The following SRFBP1 variants were observed in gnomAD, a reference collection of about 807,000 sequenced individuals.
SRFBP1 encodes the protein serum response factor binding protein 1.
In SRFBP1, 47 loss-of-function variants were observed where a neutral mutation model predicts 45.5. The ratio of observed to expected loss-of-function variants is 1.03; its 90% CI spans 0.82 to 1.32. The LOEUF is 1.32. SRFBP1 is among the 40% of genes most tolerant of loss of function. The probability of loss-of-function intolerance (pLI) is 0.00; values close to 1 mark genes in which losing one functional copy is unlikely to be tolerated. For synonymous variants in SRFBP1, 203 were observed against 166.3 expected (o/e 1.22, Z -1.70); for missense variants, 621 against 484.6 (o/e 1.28, Z -2.64).
chr5:122,055,477 G>T (rs1382529101), intron 2 of SRFBP1, among the ~76,000 whole-genome samples: 1 of 152,194 alleles, frequency 6.6e-6, no homozygotes, highest in Non-Finnish European at 1.5e-5. Flanking sequence ...ATTTGTAAAT[G>T]TAGTTGTAAA....
intron 2 of SRFBP1, among the ~76,000 whole-genome samples, chr5:122,037,496 C>A (rs1753711834): frequency 6.6e-6 from 1 of 151,984 alleles, no homozygotes. Flanking sequence ...AAATGTAGCT[C>A]TTCTCTTTTT....
intron 4 of SRFBP1, among the ~76,000 whole-genome samples, chr5:122,005,946 T>TTTA (rs1752964624): frequency 6.6e-6 from 1 of 152,200 alleles, no homozygotes. Flanking sequence ...CACACCCCCA[T>TTTA]TTAGAGTATT....
At position 122,019,332 on chromosome 5, in the gene SRFBP1, G is replaced by A. The variant is rs369549761; in HGVS notation, c.343G>A (p.Val115Met). ...VHPLLKKKID[V>M]LKAAVQAFKE... ...TCCTCTTCTGAAGAAAAAGATAGATGTGCTAAAAGGTATGAATTAAATGAC... is the reference window on the plus strand; with the variant it reads ...TCCTCTTCTGAAGAAAAAGATAGATATGCTAAAAGGTATGAATTAAATGAC... Residue 115 changes from valine to methionine, a missense_variant, in exon 5 of 8, where the codon GTG (valine) becomes ATG (methionine). Val to Met is a conservative substitution (Grantham distance 21). Transcript: ENST00000339397. 2.5e-5 allele frequency: 41 copies of A among 1,611,112 alleles called. No individual in the cohort carries two copies. In the African/African-American group the frequency reaches 4.5e-4, roughly 18 times the overall value.
intron 2 of SRFBP1, among the ~76,000 whole-genome samples, chr5:122,039,172 A>G (rs1391375883): frequency 1.3e-5 from 2 of 152,192 alleles, no homozygotes; most frequent in African/African-American, 4.8e-5. Flanking sequence ...TGGGAATGGC[A>G]GCTTCTATTA....
At chr5:122,053,177 G>A (rs1227254823) in intron 2 of SRFBP1, among the ~76,000 whole-genome samples, 6 of 152,054 alleles carry the variant, frequency 3.9e-5, no homozygotes, top group Admixed American at 1.3e-4. Context: ...ACAGGGTTGC[G>A]CCTGGTCACA....
chr5:122,057,730 A>G (rs1434624418), intron 2 of SRFBP1, among the ~76,000 whole-genome samples: 1 of 152,128 alleles, frequency 6.6e-6, no homozygotes, highest in Non-Finnish European at 1.5e-5. Context: ...CTGATGGAGA[A>G]TTTTATAGTA....
chr5:122,047,440 G>A (rs1470446832), intron 2 of SRFBP1, among the ~76,000 whole-genome samples: 2 of 152,152 alleles, frequency 1.3e-5, no homozygotes, highest in Admixed American at 6.5e-5. Flanking sequence ...TGCTGTTTTG[G>A]TTGCTGTAGC....
At chr5:122,052,031 T>C (rs1166911549) in intron 2 of SRFBP1, among the ~76,000 whole-genome samples, 2 of 152,212 alleles carry the variant, frequency 1.3e-5, no homozygotes, top group Admixed American at 1.3e-4. Flanking sequence ...ACATATGAAA[T>C]TTTTGGTTGG....
At chr5:121,996,016 A>C (rs1372954468) in intron 4 of SRFBP1, among the ~76,000 whole-genome samples, 1 of 152,024 alleles carries the variant, frequency 6.6e-6, no homozygotes, top group Non-Finnish European at 1.5e-5. Context: ...TTGTGGCAAT[A>C]ATCAATAGCT....
chr5:122,077,503 G>A, downstream of SRFBP1: 2 of 1,613,800 alleles, frequency 1.2e-6, no homozygotes, highest in Non-Finnish European at 1.7e-6. The surrounding 1 kb of genome is among the most constrained non-coding windows in gnomAD (Gnocchi z 4.9). Context: ...CGTCCACGCG[G>A]CTGGGCGGCC....
At chr5:122,039,822 T>C (rs927427387) in intron 2 of SRFBP1, among the ~76,000 whole-genome samples, 4 of 151,978 alleles carry the variant, frequency 2.6e-5, no homozygotes, top group African/African-American at 7.3e-5. Flanking sequence ...ATATATGATA[T>C]ATGGTTGGGA....
At chr5:121,981,023 C>G (rs1752397622) in intron 3 of SRFBP1, among the ~76,000 whole-genome samples, 1 of 152,076 alleles carries the variant, frequency 6.6e-6, no homozygotes, top group African/African-American at 2.4e-5. Flanking sequence ...GTATAGCTTT[C>G]CATCTTCTTT....
At chr5:122,015,105 A>G (rs1753169655) in intron 4 of SRFBP1, among the ~76,000 whole-genome samples, 1 of 152,162 alleles carries the variant, frequency 6.6e-6, no homozygotes, top group South Asian at 2.1e-4. Context: ...TGCTCCTGGA[A>G]TATCTTCTTT....
chr5:122,054,840 T>A (rs568726148), intron 2 of SRFBP1, among the ~76,000 whole-genome samples: 10 of 152,324 alleles, frequency 6.6e-5, no homozygotes, highest in African/African-American at 2.4e-4. Flanking sequence ...TATGAAGAAA[T>A]AGAACACACC....
intron 2 of SRFBP1, among the ~76,000 whole-genome samples, chr5:122,053,179 C>T (rs993539796): frequency 3.9e-5 from 6 of 152,148 alleles, no homozygotes; most frequent in African/African-American, 1.4e-4. Context: ...AGGGTTGCGC[C>T]TGGTCACAGA....
At chr5:122,048,110 C>T (rs563624842) in intron 2 of SRFBP1, among the ~76,000 whole-genome samples, 2 of 152,276 alleles carry the variant, frequency 1.3e-5, no homozygotes, top group South Asian at 4.1e-4. Flanking sequence ...GAGAGGGCAT[C>T]CCTGTCTTGT....
At chr5:122,077,232 C>A (rs867146486), downstream of SRFBP1, 5 of 1,505,362 alleles carry the variant, frequency 3.3e-6, no homozygotes, top group Middle Eastern at 2.4e-4. The surrounding 1 kb of genome is among the most constrained non-coding windows in gnomAD (Gnocchi z 4.9). Flanking sequence ...CCACTGCAGG[C>A]GCGTGGGGGA....
At chr5:121,962,342 T>C (rs1751966038) in intron 1 of SRFBP1, among the ~76,000 whole-genome samples, 1 of 152,208 alleles carries the variant, frequency 6.6e-6, no homozygotes, top group Admixed American at 6.5e-5. Context: ...TTCTCGTCTG[T>C]AAAGCGGAAC....
intron 4 of SRFBP1, among the ~76,000 whole-genome samples, chr5:122,015,379 T>G (rs1258070647): frequency 6.6e-6 from 1 of 152,234 alleles, no homozygotes; most frequent in Non-Finnish European, 1.5e-5. Context: ...TTTAAATTTT[T>G]AAACATCACG....
Sources: allele counts gnomAD v4.1 joint callset (sites outside exome capture counted in the v4.1 genomes callset), GRCh38; gene constraint gnomAD v4.1.1; non-coding constraint Gnocchi (gnomAD v3.1); transcripts MANE v1.5; gene names NCBI Gene and HGNC (gene_info 2026-07-23, HGNC 2026-07-21).